The following DIS3L2 variants were observed in gnomAD, a reference collection of about 807,000 sequenced individuals.
The protein encoded by DIS3L2 is DIS3-like exonuclease 2.
DIS3L2 carries 34 observed loss-of-function variants against 97.5 expected under a neutral mutation model. That is an observed-to-expected ratio of 0.35 (90% CI 0.27 to 0.46). DIS3L2 has a LOEUF of 0.46. Ranked by LOEUF, DIS3L2 falls within the 20% of genes least tolerant of loss-of-function variation. The pLI is 1.00. For synonymous variants in DIS3L2, 435 were observed against 445.2 expected (o/e 0.98, Z 0.29); for missense variants, 1,038 against 1,146.0 (o/e 0.91, Z 1.36).
intron 10 of DIS3L2, among the ~76,000 whole-genome samples, chr2:232,224,838 T>TA (rs767838664): frequency 2.5e-3 from 305 of 121,616 alleles, no homozygotes; most frequent in South Asian, 5.6e-3. Context: ...ACTCTGTCTT[T>TA]AAAAAAAAAA....
chr2:232,139,917 C>T (rs1213596610), intron 8 of DIS3L2, among the ~76,000 whole-genome samples: 1 of 152,018 alleles, frequency 6.6e-6, no homozygotes, highest in African/African-American at 2.4e-5. Context: ...CTCCCAGATG[C>T]GATGACTAAT....
intron 5 of DIS3L2, among the ~76,000 whole-genome samples, chr2:232,031,868 A>G (rs1416991728): frequency 6.6e-6 from 1 of 152,194 alleles, no homozygotes; most frequent in Non-Finnish European, 1.5e-5. Flanking sequence ...TCCATGGTGT[A>G]TATGTGCCAC....
At chr2:232,080,560 T>A (rs1157174813) in intron 5 of DIS3L2, among the ~76,000 whole-genome samples, 1 of 152,082 alleles carries the variant, frequency 6.6e-6, no homozygotes, top group African/African-American at 2.4e-5. Flanking sequence ...CTATTTACAT[T>A]TCTCAGATTT....
intron 9 of DIS3L2, among the ~76,000 whole-genome samples, chr2:232,189,435 T>A (rs1447587666): frequency 6.6e-6 from 1 of 152,220 alleles, no homozygotes; most frequent in Non-Finnish European, 1.5e-5. Context: ...CTTGGATGGA[T>A]CTTCAGTCTC....
intron 1 of DIS3L2, among the ~76,000 whole-genome samples, chr2:231,971,877 G>A (rs1212614849): frequency 6.1e-5 from 9 of 146,880 alleles, no homozygotes; most frequent in South Asian, 5.0e-4. Context: ...CACCACGCCC[G>A]GCCCATCTTT....
intron 8 of DIS3L2, among the ~76,000 whole-genome samples, chr2:232,155,827 A>G (rs1444442034): frequency 6.6e-6 from 1 of 151,986 alleles, no homozygotes; most frequent in Non-Finnish European, 1.5e-5. Flanking sequence ...CGTCTCTACT[A>G]AAAATACAAA....
At chr2:231,998,599 C>G (rs910269751) in intron 1 of DIS3L2, among the ~76,000 whole-genome samples, 1 of 152,300 alleles carries the variant, frequency 6.6e-6, no homozygotes, top group Non-Finnish European at 1.5e-5. Context: ...TTTCCACCCT[C>G]AAGATAGATT....
intron 14 of DIS3L2, 28 bp from the exon 15 acceptor site, chr2:232,329,785 T>TCCCGGGGGGGGCGCCC: frequency 1.0e-6 from 1 of 967,144 alleles, no homozygotes; most frequent in Non-Finnish European, 1.5e-6. Context: ...ACCCCAGCGG[T>TCCCGGGGGGGGCGCCC]CCCTCCCATC....
In DIS3L2 at chr2:232,329,981, C is replaced by T. The variant is rs778830625; in HGVS notation, c.1908C>T (p.Ser636=). Residue 636 remains serine (S), a synonymous_variant, in exon 15 of 21, where the codon TCC becomes TCT. Transcript: ENST00000325385. The part of the protein sequence containing the change: ...DQMGLPVDFS[S]AGALNKSLTQ... ...TGGGGCTGCCCGTGGACTTCAGCTC[C>T]GCAGGAGCCCTCAATGTGAGTGGTG... is the stretch of plus-strand genomic sequence containing the variant. 2.2e-5 allele frequency: 35 copies of T among 1,610,578 alleles called. No homozygotes were observed. Among genetic ancestry groups the T allele is most frequent in the Middle Eastern group, 1.6e-4 (1 of 6,066 alleles).
At chr2:232,339,188 A>G (rs578031163), downstream of DIS3L2, among the ~76,000 whole-genome samples, 25 of 152,338 alleles carry the variant, frequency 1.6e-4, no homozygotes, top group South Asian at 5.2e-3. Flanking sequence ...GAAGGACCTC[A>G]GGAAAGAACT....
intron 5 of DIS3L2, among the ~76,000 whole-genome samples, chr2:232,068,390 A>C (rs1404514878): frequency 1.4e-5 from 2 of 144,822 alleles, no homozygotes; most frequent in Non-Finnish European, 3.0e-5. Flanking sequence ...TAGGCAGCAA[A>C]GTGAGACCCT....
At chr2:232,098,687 C>G (rs1370266530) in intron 6 of DIS3L2, among the ~76,000 whole-genome samples, 1 of 152,068 alleles carries the variant, frequency 6.6e-6, no homozygotes, top group African/African-American at 2.4e-5. Flanking sequence ...AGATTAAGTT[C>G]TATTAATTGC....
intron 8 of DIS3L2, among the ~76,000 whole-genome samples, chr2:232,142,040 C>T (rs1362159305): frequency 6.6e-6 from 1 of 152,134 alleles, no homozygotes; most frequent in African/African-American, 2.4e-5. Context: ...CAATCTTTCC[C>T]TTTGCAAAAG....
chr2:232,015,442 G>A (rs1195634543), intron 2 of DIS3L2, 72 bp from the exon 3 acceptor site: 2 of 1,549,610 alleles, frequency 1.3e-6, no homozygotes, highest in African/African-American at 1.4e-5. Flanking sequence ...ATTGTAAAAA[G>A]GTATAATATC....
intron 13 of DIS3L2, among the ~76,000 whole-genome samples, chr2:232,280,042 T>C (rs984020689): frequency 6.6e-6 from 1 of 152,256 alleles, no homozygotes; most frequent in African/African-American, 2.4e-5. Flanking sequence ...TGGTGTCATA[T>C]CTAAGAAACC....
chr2:232,124,460 A>G (rs887619044), intron 6 of DIS3L2, among the ~76,000 whole-genome samples: 31 of 152,322 alleles, frequency 2.0e-4, no homozygotes, highest in Non-Finnish European at 3.1e-4. Flanking sequence ...AAGTCAGTGG[A>G]TAGATTTAAC....
intron 5 of DIS3L2, among the ~76,000 whole-genome samples, chr2:232,030,888 TATC>T (rs1300846984): frequency 6.6e-6 from 1 of 152,176 alleles, no homozygotes; most frequent in Non-Finnish European, 1.5e-5. Flanking sequence ...TTTGTCTTCA[TATC>T]ATTTGTTTTA....
chr2:232,228,504 T>C (rs1041212601), intron 10 of DIS3L2, among the ~76,000 whole-genome samples: 1 of 152,146 alleles, frequency 6.6e-6, no homozygotes, highest in Non-Finnish European at 1.5e-5. Context: ...GGCATGAAAA[T>C]AGTTGTTTCC....
At chr2:232,038,759 T>C (rs772433142) in intron 5 of DIS3L2, among the ~76,000 whole-genome samples, 3 of 152,164 alleles carry the variant, frequency 2.0e-5, no homozygotes, top group Admixed American at 6.5e-5. Context: ...TTAAAGTGTT[T>C]GCTGTTGTTG....
Sources: allele counts gnomAD v4.1 joint callset (sites outside exome capture counted in the v4.1 genomes callset), GRCh38; gene constraint gnomAD v4.1.1; transcripts MANE v1.5; gene names NCBI Gene and HGNC (gene_info 2026-07-23, HGNC 2026-07-21).